RFTN2: variants seen among roughly 807,000 people sequenced by gnomAD.
RFTN2 encodes the protein raftlin family member 2, also known as raftlin-2.
In RFTN2, 34 loss-of-function variants were observed where a neutral mutation model predicts 52.7. The ratio of observed to expected loss-of-function variants is 0.64; its 90% confidence interval spans 0.49 to 0.86. The LOEUF (loss-of-function observed/expected upper bound fraction) is 0.86. Ranked by LOEUF, RFTN2 falls within the 40% of genes least tolerant of loss-of-function variation. The pLI is 0.00. For synonymous variants in RFTN2, 203 were observed against 217.7 expected (o/e 0.93, Z 0.59); for missense variants, 536 against 600.1 (o/e 0.89, Z 1.12).
intron 8 of RFTN2, 44 bp downstream of exon 8, chr2:197,595,947 G>T: frequency 2.4e-6 from 3 of 1,238,834 alleles, no homozygotes; most frequent in Non-Finnish European, 2.4e-6. Context: ...AGGATTAAAT[G>T]CTTCAATATA....
At chr2:197,574,606 ACCTGTAAT>A (rs1332413744) in intron 8 of RFTN2, among the ~76,000 whole-genome samples, 2 of 152,074 alleles carry the variant, frequency 1.3e-5, no homozygotes, top group Non-Finnish European at 2.9e-5. Context: ...AGTGGCTTAC[ACCTGTAAT>A]CCCAGCACTT....
Position 197,601,749 on chromosome 2 carries a change from T to C in RFTN2, c.1155-5680A>G, listed in dbSNP as rs573281965. 2.6e-5 allele frequency among the ~76,000 whole-genome samples: 4 copies of C among 152,316 alleles called. 1 individual carries two copies. Among genetic ancestry groups the C allele is most frequent in the Admixed American group, 2.0e-4 (3 of 15,296 alleles). ...CTAAATTAAGCATTCCACCTTATAA[T>C]GTTCAGAAGTTATAGTGGAGAATAA... On this transcript the variant is annotated intron_variant, in intron 7 of 8. Transcript: ENST00000295049.
At chr2:197,608,121 G>A (rs1182973615) in intron 7 of RFTN2, among the ~76,000 whole-genome samples, 1 of 152,020 alleles carries the variant, frequency 6.6e-6, no homozygotes, top group Admixed American at 6.6e-5. Flanking sequence ...ATCTGCTTTG[G>A]CTGCCACATG....
At chr2:197,621,985 G>A (rs1219809888) in intron 5 of RFTN2, among the ~76,000 whole-genome samples, 1 of 152,142 alleles carries the variant, frequency 6.6e-6, no homozygotes, top group African/African-American at 2.4e-5. Flanking sequence ...CAGACTTCTC[G>A]ATGATGGAGA....
chr2:197,588,721 T>C (rs988384544), intron 8 of RFTN2, among the ~76,000 whole-genome samples: 1 of 152,334 alleles, frequency 6.6e-6, no homozygotes, highest in Admixed American at 6.5e-5. Context: ...ATATGGTAAA[T>C]GTCTGTTTAA....
Position 197,650,526 on chromosome 2 carries a change from C to G in RFTN2, c.140-3860G>C, listed in dbSNP as rs563543033. 4.5e-4 allele frequency among the ~76,000 whole-genome samples: 68 copies of G among 152,310 alleles called. 2 individuals carry two copies. The South Asian group carries it at 0.01, about 23-fold the overall frequency. ...GGATGTGCCTTGGCTTGGGAATCTTCCTCGTATCTTTACAACACTGTAGGC... is the reference window on the plus strand; with the variant it reads ...GGATGTGCCTTGGCTTGGGAATCTTGCTCGTATCTTTACAACACTGTAGGC... On this transcript the variant is annotated intron_variant, in intron 1 of 8. Coordinates refer to ENST00000295049, the MANE Select transcript of RFTN2 (RefSeq NM_144629.3).
At chr2:197,618,954 TG>T (rs1186312655) in intron 5 of RFTN2, among the ~76,000 whole-genome samples, 2 of 141,428 alleles carry the variant, frequency 1.4e-5, no homozygotes, top group East Asian at 2.2e-4. Context: ...GGGAGGGAGG[TG>T]GGGGGGTCAG....
chr2:197,667,660 C>T (rs1210809753), intron 1 of RFTN2, among the ~76,000 whole-genome samples: 4 of 152,148 alleles, frequency 2.6e-5, no homozygotes. Flanking sequence ...ATTCTGGGTG[C>T]ATGGAATAGT....
chr2:197,571,850 C>T lies in RFTN2; in HGVS notation c.*158G>A, dbSNP rs986030155. 3.1e-6 allele frequency: 2 copies of T among 646,100 alleles called. No homozygotes were observed. Among genetic ancestry groups the T allele is most frequent in the South Asian group, 4.0e-5 (2 of 49,854 alleles). The allele number at this position is 646,100 out of a possible 1,614,324, so 40.0% of individuals were successfully genotyped here. A position where few individuals can be genotyped will look rare whatever the true frequency, so the allele number is the denominator to read the frequency against. On this transcript the variant is annotated 3_prime_UTR_variant, in exon 9 of 9. Transcript: ENST00000295049. Reference sequence around the variant, plus strand: ...AAATATGTTGGTTATTCTTCCTTGTCTGGGAGGTTGTGCCAAAGTTTACAT... The same window carrying T: ...AAATATGTTGGTTATTCTTCCTTGTTTGGGAGGTTGTGCCAAAGTTTACAT...
chr2:197,570,035 T>C lies in RFTN2; in HGVS notation c.*1973A>G, dbSNP rs549212480. 4 of 151,994 alleles carry C rather than the reference T, an allele frequency of 2.6e-5. No homozygotes were observed. The highest frequency in any genetic ancestry group is 6.5e-5 in the Admixed American group (1 of 15,278). The allele number at this position is 151,994 out of a possible 1,614,324, so 9.4% of individuals were successfully genotyped here. On this transcript the variant is annotated 3_prime_UTR_variant, in exon 9 of 9. Coordinates refer to ENST00000295049, the MANE Select transcript of RFTN2 (RefSeq NM_144629.3). ...TTAATTTACTACTTCCAATCCCCTA[T>C]GTATGTGGGCTGAATGATAAAGAAG...
chr2:197,568,286 C>T lies in RFTN2; in HGVS notation c.*3722G>A, dbSNP rs1195782280. On this transcript the variant is annotated 3_prime_UTR_variant, in exon 9 of 9. Coordinates refer to ENST00000295049, the MANE Select transcript of RFTN2 (RefSeq NM_144629.3). ...TTTAATTACTTGGTATTTTTACATA[C>T]AAAAATTTGAATGCTCAAAACATGT... The T allele has an allele frequency of 6.6e-6, 1 of 152,176 alleles. No homozygotes were observed. The highest frequency in any genetic ancestry group is 2.4e-5 in the African/African-American group (1 of 41,452). The allele number at this position is 152,176 out of a possible 1,614,324, so 9.4% of individuals were successfully genotyped here.
At position 197,570,837 on chromosome 2, in the gene RFTN2, A is replaced by G. The variant is rs1032459009; in HGVS notation, c.*1171T>C. On this transcript the variant is annotated 3_prime_UTR_variant, in exon 9 of 9. Coordinates refer to ENST00000295049, the MANE Select transcript of RFTN2 (RefSeq NM_144629.3). ...TGTTTTATTATTAAAATGATCTTAC[A>G]ATGTCAACATCAATGTTAATAAAAA... 1 of 152,248 alleles carries G rather than the reference A, an allele frequency of 6.6e-6. No individual in the cohort carries two copies. The highest frequency in any genetic ancestry group is 1.5e-5 in the Non-Finnish European group (1 of 68,038). 9.4% of individuals were successfully genotyped at this position (152,248 alleles called of 1,614,324 possible). A position where few individuals can be genotyped will look rare whatever the true frequency, so the allele number is the denominator to read the frequency against.
intron 8 of RFTN2, among the ~76,000 whole-genome samples, chr2:197,583,462 A>C (rs1413230017): frequency 6.6e-6 from 1 of 152,048 alleles, no homozygotes; most frequent in Non-Finnish European, 1.5e-5. Context: ...CGGCCATTCT[A>C]GTCAAATCAC....
chr2:197,608,501 A>T (rs1421333321), intron 7 of RFTN2, among the ~76,000 whole-genome samples: 3 of 151,372 alleles, frequency 2.0e-5, no homozygotes, highest in Non-Finnish European at 4.4e-5. Context: ...TTTAGTAGAG[A>T]TGGGGTTTCA....
intron 8 of RFTN2, among the ~76,000 whole-genome samples, chr2:197,595,316 T>G (rs2340687): frequency 0.16 from 23,854 of 152,260 alleles, 2,093 homozygotes; most frequent in Middle Eastern, 0.28. Flanking sequence ...CCTCTTAGGT[T>G]CAGTAGCTGA....
chr2:197,641,962 C>T (rs113252546), intron 3 of RFTN2, among the ~76,000 whole-genome samples: 1,766 of 152,278 alleles, frequency 0.012, 40 homozygotes, highest in African/African-American at 0.041. Context: ...AGGGCTCTGA[C>T]GGTAATCTAT....
chr2:197,611,365 A>T (rs1166940591), intron 7 of RFTN2, among the ~76,000 whole-genome samples: 1 of 152,172 alleles, frequency 6.6e-6, no homozygotes, highest in Non-Finnish European at 1.5e-5. Context: ...CCAGGAAGTC[A>T]TCCCTTTCTT....
chr2:197,568,670 A>G lies in RFTN2; in HGVS notation c.*3338T>C, dbSNP rs1356108213. 1 of 152,168 alleles carries G rather than the reference A, an allele frequency of 6.6e-6. No homozygotes were observed. Among genetic ancestry groups the G allele is most frequent in the African/African-American group, 2.4e-5 (1 of 41,420 alleles). 9.4% of individuals were successfully genotyped at this position (152,168 alleles called of 1,614,324 possible). A position where few individuals can be genotyped will look rare whatever the true frequency, so the allele number is the denominator to read the frequency against. On this transcript the variant is annotated 3_prime_UTR_variant, in exon 9 of 9. Transcript: ENST00000295049. ...CATTTGATTCTCCATCTGAATTTAC[A>G]CTTTCCATACAGTACTACTCTGGGG...
intron 5 of RFTN2, among the ~76,000 whole-genome samples, chr2:197,625,758 CTTTT>C (rs2088349472): frequency 7.1e-6 from 1 of 139,898 alleles, no homozygotes; most frequent in Non-Finnish European, 1.5e-5. Flanking sequence ...CCTCCCTTCT[CTTTT>C]CTCTCCTCTC....
Sources: allele counts gnomAD v4.1 joint callset (sites outside exome capture counted in the v4.1 genomes callset), GRCh38; gene constraint gnomAD v4.1.1; transcripts MANE v1.5; gene names NCBI Gene and HGNC (gene_info 2026-07-23, HGNC 2026-07-21).